The following FBXL17 variants were observed in gnomAD, a reference collection of about 807,000 sequenced individuals.
FBXL17 encodes F-box and leucine rich repeat protein 17, also known as F-box/LRR-repeat protein 17.
FBXL17 carries 22 observed loss-of-function variants against 66.2 expected under a neutral mutation model. That is an observed-to-expected ratio of 0.33 (90% CI 0.24 to 0.47). FBXL17 has a LOEUF of 0.47. Ranked by LOEUF, FBXL17 falls within the 20% of genes least tolerant of loss-of-function variation. The pLI is 1.00. For missense variants in FBXL17, 878 were observed against 948.2 expected, an observed-to-expected ratio of 0.93 and a Z score of 0.97; for synonymous variants, 474 against 400.5, an observed-to-expected ratio of 1.18 and a Z score of -2.19.
chr5:108,336,948 A>C (rs1760412091), intron 4 of FBXL17, among the ~76,000 whole-genome samples: 1 of 152,128 alleles, frequency 6.6e-6, no homozygotes, highest in South Asian at 2.1e-4. Flanking sequence ...TTTTAAAAGA[A>C]ACTCTTTCTT....
At chr5:107,980,664 A>ATATATATATATTTTTTTTTTTTTTTTT in intron 7 of FBXL17, among the ~76,000 whole-genome samples, 1 of 62,106 alleles carries the variant, frequency 1.6e-5, no homozygotes, top group African/African-American at 1.0e-4. Context: ...ATATATATAT[A>ATATATATATATTTTTTTTTTTTTTTTT]TTTTTTTTTT....
chr5:107,979,622 C>G (rs943623603), intron 7 of FBXL17, among the ~76,000 whole-genome samples: 1 of 152,184 alleles, frequency 6.6e-6, no homozygotes, highest in Non-Finnish European at 1.5e-5. Flanking sequence ...CAAGCCCCCT[C>G]TGGAAATGAG....
chr5:108,010,002 T>C (rs904742215), intron 7 of FBXL17, among the ~76,000 whole-genome samples: 10 of 152,202 alleles, frequency 6.6e-5, no homozygotes, highest in South Asian at 2.1e-4. Context: ...GGTCATTCAC[T>C]GACAGATCCA....
chr5:108,247,810 A>G (rs1041801369), intron 4 of FBXL17, among the ~76,000 whole-genome samples: 1 of 152,172 alleles, frequency 6.6e-6, no homozygotes, highest in African/African-American at 2.4e-5. Context: ...ATGATCCATA[A>G]CAGCCAAATA....
intron 6 of FBXL17, among the ~76,000 whole-genome samples, chr5:108,069,092 C>A (rs951713874): frequency 1.3e-5 from 2 of 152,200 alleles, no homozygotes; most frequent in African/African-American, 4.8e-5. Context: ...AACATACACA[C>A]ACCCCTCACA....
intron 6 of FBXL17, among the ~76,000 whole-genome samples, chr5:108,061,379 A>G (rs2112844825): frequency 6.6e-6 from 1 of 152,278 alleles, no homozygotes; most frequent in Middle Eastern, 3.4e-3. Context: ...TACCAATGAG[A>G]TGATTTATGC....
intron 6 of FBXL17, among the ~76,000 whole-genome samples, chr5:108,023,007 A>T (rs1754658205): frequency 6.6e-6 from 1 of 152,178 alleles, no homozygotes; most frequent in South Asian, 2.1e-4. Flanking sequence ...GAGGCAATAC[A>T]GTGGCCAAGA....
At chr5:108,349,975 T>C (rs930542584) in intron 3 of FBXL17, among the ~76,000 whole-genome samples, 5 of 152,246 alleles carry the variant, frequency 3.3e-5, no homozygotes, top group Admixed American at 2.6e-4. Flanking sequence ...GATTATTTCA[T>C]ATATCACTGT....
intron 7 of FBXL17, among the ~76,000 whole-genome samples, chr5:108,018,988 G>T (rs138571006): frequency 5.9e-5 from 9 of 152,220 alleles, no homozygotes; most frequent in African/African-American, 2.2e-4. Context: ...ATAATTCAGA[G>T]ACACAAATAA....
chr5:108,096,459 C>T (rs1320359043), intron 6 of FBXL17, among the ~76,000 whole-genome samples: 1 of 152,190 alleles, frequency 6.6e-6, no homozygotes, highest in East Asian at 1.9e-4. Flanking sequence ...CCCCAAAAGA[C>T]CACTGGAAAA....
At chr5:108,091,302 A>T (rs570888540) in intron 6 of FBXL17, among the ~76,000 whole-genome samples, 10 of 152,350 alleles carry the variant, frequency 6.6e-5, no homozygotes, top group African/African-American at 2.2e-4. Context: ...CTTCCCACAG[A>T]CCAGTCCCTT....
intron 5 of FBXL17, among the ~76,000 whole-genome samples, chr5:108,201,176 G>A (rs755176337): frequency 2.6e-5 from 4 of 152,088 alleles, no homozygotes; most frequent in Non-Finnish European, 5.9e-5. Flanking sequence ...TCAATATCCA[G>A]GAGCCCCTTT....
At chr5:108,048,219 C>A (rs1003584717) in intron 6 of FBXL17, among the ~76,000 whole-genome samples, 7 of 152,214 alleles carry the variant, frequency 4.6e-5, no homozygotes, top group Admixed American at 1.3e-4. Flanking sequence ...GGGACCTGAC[C>A]ATTGAAAGAA....
At chr5:108,023,189 C>T (rs1262342672) in intron 6 of FBXL17, among the ~76,000 whole-genome samples, 1 of 152,176 alleles carries the variant, frequency 6.6e-6, no homozygotes, top group Non-Finnish European at 1.5e-5. Context: ...AGCCAGTGTG[C>T]TAAAAGTCAT....
intron 7 of FBXL17, among the ~76,000 whole-genome samples, chr5:107,979,281 T>C (rs1752712158): frequency 6.6e-6 from 1 of 152,212 alleles, no homozygotes; most frequent in South Asian, 2.1e-4. Context: ...GGGTATAATA[T>C]AGTTTAATCA....
chr5:108,324,282 T>C (rs1759750853), intron 4 of FBXL17, among the ~76,000 whole-genome samples: 1 of 151,956 alleles, frequency 6.6e-6, no homozygotes, highest in Admixed American at 6.6e-5. Context: ...GAAGAGACAT[T>C]TATCCAAAGA....
intron 4 of FBXL17, among the ~76,000 whole-genome samples, chr5:108,328,211 T>C (rs932362714): frequency 4.6e-5 from 7 of 152,092 alleles, no homozygotes; most frequent in African/African-American, 1.7e-4. Flanking sequence ...ACCAAGTATA[T>C]AGTATTGAAC....
chr5:108,241,640 AT>A (rs1422455038), intron 4 of FBXL17, among the ~76,000 whole-genome samples: 1 of 152,168 alleles, frequency 6.6e-6, no homozygotes, highest in African/African-American at 2.4e-5. Context: ...GCACAAAAAG[AT>A]TATAGAACAC....
At chr5:108,307,583 T>C (rs1421991421) in intron 4 of FBXL17, among the ~76,000 whole-genome samples, 2 of 152,066 alleles carry the variant, frequency 1.3e-5, no homozygotes, top group African/African-American at 4.8e-5. Flanking sequence ...GCTGGGATTA[T>C]AGGTGTGAGA....
Sources: allele counts gnomAD v4.1 joint callset (sites outside exome capture counted in the v4.1 genomes callset), GRCh38; gene constraint gnomAD v4.1.1; transcripts MANE v1.5; gene names NCBI Gene and HGNC (gene_info 2026-07-23, HGNC 2026-07-21).